The following GLYAT variants were observed in gnomAD, a reference collection of about 807,000 sequenced individuals.
The protein encoded by GLYAT is glycine-N-acyltransferase, also known as glycine N-acyltransferase.
Under a neutral mutation model 22.8 loss-of-function variants are expected in GLYAT, and 25 were observed. The ratio of observed to expected loss-of-function variants is 1.09; its 90% CI spans 0.80 to 1.53. The LOEUF is 1.53. Among genes scored for constraint, GLYAT ranks in the 40% most tolerant of loss-of-function variants. GLYAT has a pLI of 0.00. For missense variants in GLYAT, 411 were observed against 353.9 expected (o/e 1.16, Z -1.29); for synonymous variants, 140 against 122.7 (o/e 1.14, Z -0.93).
chr11:58,731,392 A>G (rs1856870026), intron 1 of GLYAT, among the ~76,000 whole-genome samples: 1 of 152,270 alleles, frequency 6.6e-6, no homozygotes, highest in Middle Eastern at 3.4e-3. Context: ...TAGCTAGCAA[A>G]CTGCCATTGA....
At chr11:58,719,401 A>G (rs1856721991) in intron 2 of GLYAT, among the ~76,000 whole-genome samples, 1 of 152,010 alleles carries the variant, frequency 6.6e-6, no homozygotes, top group African/African-American at 2.4e-5. Flanking sequence ...TATAACCTTT[A>G]TTAAAGAGTT....
intron 2 of GLYAT, among the ~76,000 whole-genome samples, chr11:58,723,026 T>G (rs945313756): frequency 6.6e-6 from 1 of 152,004 alleles, no homozygotes; most frequent in African/African-American, 2.4e-5. Context: ...TATCTCACCA[T>G]AGAGGGGTCC....
At chr11:58,717,336 G>C (rs1856694370) in intron 2 of GLYAT, among the ~76,000 whole-genome samples, 1 of 151,704 alleles carries the variant, frequency 6.6e-6, no homozygotes, top group African/African-American at 2.4e-5. Context: ...AGGGTGAAAG[G>C]GAGAAAAAAC....
intron 1 of GLYAT, among the ~76,000 whole-genome samples, chr11:58,730,801 A>G (rs564894917): frequency 7.9e-5 from 12 of 152,348 alleles, no homozygotes; most frequent in African/African-American, 2.9e-4. Flanking sequence ...ACAGAATTTT[A>G]TAAAGTCACA....
intron 2 of GLYAT, among the ~76,000 whole-genome samples, chr11:58,715,822 C>A (rs1422590100): frequency 1.3e-5 from 2 of 152,126 alleles, no homozygotes; most frequent in African/African-American, 2.4e-5. Context: ...TAATCACTTG[C>A]CAGTTGATGA....
chr11:58,710,316 C>A (rs754284049), intron 5 of GLYAT, 148 bp from the exon 6 acceptor site: 3 of 1,320,002 alleles, frequency 2.3e-6, no homozygotes, highest in Non-Finnish European at 3.0e-6. Flanking sequence ...GAAAGAGGAA[C>A]AGAGTGAAGG....
Position 58,724,443 on chromosome 11 carries a change from CAAGGATTTCT to C in GLYAT, c.44_53del (p.Glu15GlyfsTer9), listed in dbSNP as rs781411059. 6.2e-7 allele frequency: 1 copy of C among 1,606,260 alleles called. No homozygotes were observed. Among genetic ancestry groups the C allele is most frequent in the Non-Finnish European group, 8.5e-7 (1 of 1,173,938 alleles). On this transcript the variant is annotated frameshift_variant, in exon 2 of 6. Transcript: ENST00000344743. LOFTEE classifies it high-confidence loss of function. Reference sequence around the variant, plus strand: ...TTAAGGATGCTGGGAGGCTCTTCCTCAAGGATTTCTCCAGCATCTGCAGCATCTGGGCACC... The same window carrying C: ...TTAAGGATGCTGGGAGGCTCTTCCTCCCAGCATCTGCAGCATCTGGGCACC...
intron 4 of GLYAT, among the ~76,000 whole-genome samples, chr11:58,712,499 A>T (rs1856628262): frequency 6.6e-6 from 1 of 152,134 alleles, no homozygotes; most frequent in Admixed American, 6.6e-5. Context: ...TCACCCTAAA[A>T]GGTCTGGATA....
intron 1 of GLYAT, among the ~76,000 whole-genome samples, chr11:58,727,935 C>T (rs1016161012): frequency 6.6e-6 from 1 of 151,798 alleles, no homozygotes; most frequent in Non-Finnish European, 1.5e-5. Context: ...AGAAATAAGC[C>T]AACATATAAA....
rs145115856 is a variant in GLYAT, at chr11:58,725,899, T to C, written c.-15-1388A>G. ...GAGGTGAGCATGTGTAGTGTGAGCA[T>C]AGAGTTGTATGCATGCTAACTTAAG... On this transcript the variant is annotated intron_variant, in intron 1 of 5. Coordinates refer to ENST00000344743, the MANE Select transcript of GLYAT (RefSeq NM_201648.3). Among the ~76,000 whole-genome samples, 13 of 152,264 alleles carry C rather than the reference T, an allele frequency of 8.5e-5. No homozygotes were observed. The East Asian group carries it at 2.5e-3, about 29-fold the overall frequency.
intron 1 of GLYAT, among the ~76,000 whole-genome samples, chr11:58,729,685 T>C (rs1157069379): frequency 6.6e-6 from 1 of 152,202 alleles, no homozygotes; most frequent in African/African-American, 2.4e-5. Flanking sequence ...AATAAACACA[T>C]ATGTATTAAA....
At chr11:58,721,719 A>G (rs563043581) in intron 2 of GLYAT, among the ~76,000 whole-genome samples, 2 of 152,034 alleles carry the variant, frequency 1.3e-5, no homozygotes, top group South Asian at 2.1e-4. Flanking sequence ...AAGTACAGCC[A>G]TTGCTCTTTC....
chr11:58,711,855 T>C (rs1029475604), intron 4 of GLYAT, among the ~76,000 whole-genome samples: 3 of 152,226 alleles, frequency 2.0e-5, no homozygotes, highest in East Asian at 1.9e-4. Context: ...GCCTGCCCCA[T>C]TGGGGCTTTC....
intron 1 of GLYAT, among the ~76,000 whole-genome samples, chr11:58,729,549 G>C (rs1856850165): frequency 6.6e-6 from 1 of 152,090 alleles, no homozygotes; most frequent in South Asian, 2.1e-4. Flanking sequence ...TCTTATCACA[G>C]TATTTGGCAC....
intron 1 of GLYAT, among the ~76,000 whole-genome samples, chr11:58,729,917 T>G (rs560865984): frequency 6.6e-6 from 1 of 152,260 alleles, no homozygotes; most frequent in East Asian, 1.9e-4. Flanking sequence ...GGTGTGATAT[T>G]ACTATATTTT....
At chr11:58,714,383 G>A (rs1856653540) in intron 3 of GLYAT, among the ~76,000 whole-genome samples, 1 of 152,064 alleles carries the variant, frequency 6.6e-6, no homozygotes, top group Non-Finnish European at 1.5e-5. Flanking sequence ...GTATATTTGT[G>A]TTTTCTGATG....
chr11:58,716,987 G>A (rs1856689053), intron 2 of GLYAT, among the ~76,000 whole-genome samples: 1 of 152,142 alleles, frequency 6.6e-6, no homozygotes, highest in Non-Finnish European at 1.5e-5. Flanking sequence ...GACACAAATG[G>A]TTGTGTTATT....
At chr11:58,720,413 G>C (rs1213149830) in intron 2 of GLYAT, among the ~76,000 whole-genome samples, 4 of 151,920 alleles carry the variant, frequency 2.6e-5, no homozygotes, top group Non-Finnish European at 4.4e-5. Context: ...ATGATTTAAA[G>C]TTATAAAACT....
chr11:58,728,844 AAAGAAAG>A (rs1311966935), intron 1 of GLYAT: 1 of 145,164 alleles, frequency 6.9e-6, no homozygotes, highest in Non-Finnish European at 1.5e-5. Flanking sequence ...GAAAAAAAGG[AAAGAAAG>A]AAGAAAGAAA....
Sources: gnomAD v4.1 joint callset for allele counts (sites outside exome capture counted in the v4.1 genomes callset) on GRCh38, gnomAD v4.1.1 for gene constraint, MANE v1.5 for transcripts, NCBI Gene and HGNC (gene_info 2026-07-23, HGNC 2026-07-21) for gene names.